KLHL1: variants seen among roughly 807,000 people sequenced by gnomAD.
KLHL1 encodes the protein kelch like family member 1.
In KLHL1, 47 loss-of-function variants were observed where a neutral mutation model predicts 77.7. The ratio of observed to expected loss-of-function variants is 0.60; its 90% CI spans 0.48 to 0.77. The LOEUF (loss-of-function observed/expected upper bound fraction) is 0.77. Among genes scored for constraint, KLHL1 ranks in the 30% least tolerant of loss-of-function variants. KLHL1 has a pLI of 0.00. For synonymous variants in KLHL1, 360 were observed against 325.2 expected (o/e 1.11, Z -1.15); for missense variants, 925 against 910.8 (o/e 1.02, Z -0.20).
At chr13:69,782,910 C>T (rs541684701) in intron 7 of KLHL1, among the ~76,000 whole-genome samples, 5 of 152,336 alleles carry the variant, frequency 3.3e-5, no homozygotes, top group African/African-American at 9.6e-5. Context: ...GAGGCACCCC[C>T]AAGTAGGGGC....
At position 69,837,614 on chromosome 13, in the gene KLHL1, C is replaced by CTCTA. The variant is rs570243891; in HGVS notation, c.1414+1361_1414+1362insTAGA. 5.3e-4 allele frequency among the ~76,000 whole-genome samples: 72 copies of CTCTA among 136,556 alleles called. 1 individual carries two copies. The highest frequency in any genetic ancestry group is 1.9e-3 in the African/African-American group (63 of 32,966). 89.6% of individuals were successfully genotyped at this position (136,556 alleles called of 152,430 possible). On this transcript the variant is annotated intron_variant, in intron 6 of 10. Transcript: ENST00000377844. ...TATATATACACATACATCTCTCTCT[C>CTCTA]TATATATATGTGTGTGTATATATAT...
chr13:69,879,758 T>C (rs1170022971), intron 5 of KLHL1, among the ~76,000 whole-genome samples: 1 of 152,174 alleles, frequency 6.6e-6, no homozygotes, highest in African/African-American at 2.4e-5. Flanking sequence ...TCTTTTCCCC[T>C]TAGTGATAGA....
chr13:70,094,350 T>A (rs1293000651), intron 1 of KLHL1, among the ~76,000 whole-genome samples: 1 of 144,062 alleles, frequency 6.9e-6, no homozygotes, highest in Non-Finnish European at 1.5e-5. Context: ...AAATTAAAAT[T>A]AAAAAATAAA....
intron 7 of KLHL1, among the ~76,000 whole-genome samples, chr13:69,779,935 G>A (rs1030274): frequency 5.3e-5 from 8 of 151,644 alleles, no homozygotes; most frequent in African/African-American, 7.3e-5. Context: ...CACAGCCTCC[G>A]AAGTATTACT....
intron 8 of KLHL1, among the ~76,000 whole-genome samples, chr13:69,729,455 T>A (rs757447411): frequency 3.3e-5 from 5 of 152,034 alleles, no homozygotes; most frequent in African/African-American, 4.8e-5. Flanking sequence ...GAAAATAATA[T>A]TTAGGGAAAC....
At chr13:69,935,618 A>G (rs1883164365) in intron 4 of KLHL1, among the ~76,000 whole-genome samples, 1 of 152,150 alleles carries the variant, frequency 6.6e-6, no homozygotes, top group Non-Finnish European at 1.5e-5. Flanking sequence ...ACAGATATAA[A>G]TATTTGGCAG....
At chr13:70,081,748 G>A (rs1260248613) in intron 1 of KLHL1, among the ~76,000 whole-genome samples, 1 of 152,180 alleles carries the variant, frequency 6.6e-6, no homozygotes, top group Non-Finnish European at 1.5e-5. Context: ...GTGGCCTAGT[G>A]AAACTTCGAA....
chr13:69,900,591 G>T (rs980620151), intron 4 of KLHL1, among the ~76,000 whole-genome samples: 3 of 152,150 alleles, frequency 2.0e-5, no homozygotes, highest in Non-Finnish European at 4.4e-5. Context: ...ACTTTTGCTG[G>T]TAGACACAGT....
chr13:69,823,166 A>G (rs1030271021), intron 6 of KLHL1, among the ~76,000 whole-genome samples: 42 of 151,728 alleles, frequency 2.8e-4, no homozygotes, highest in African/African-American at 9.4e-4. Flanking sequence ...CATTTATTGA[A>G]TCAGCATTTG....
chr13:70,075,432 A>G (rs66495562), intron 1 of KLHL1, among the ~76,000 whole-genome samples: 1 of 150,710 alleles, frequency 6.6e-6, no homozygotes, highest in Non-Finnish European at 1.5e-5. Context: ...AAATTCCCAC[A>G]AAATTTTATT....
At chr13:69,965,913 C>T (rs562188555) in intron 2 of KLHL1, among the ~76,000 whole-genome samples, 2 of 152,238 alleles carry the variant, frequency 1.3e-5, no homozygotes, top group South Asian at 4.1e-4. Context: ...GGTGACGAAA[C>T]TGCAGAAGAA....
chr13:70,039,238 T>TTTTG lies in KLHL1; in HGVS notation c.498-63440_498-63437dup, dbSNP rs966176962. On this transcript the variant is annotated intron_variant, in intron 1 of 10. Transcript: ENST00000377844. ...TGCACACCAGCATGCCCAGCTAATTTTTTGTTTGTTTGTTTGTTTGCTTTT... is the reference window on the plus strand; with the variant it reads ...TGCACACCAGCATGCCCAGCTAATTTTTTGTTTGTTTGTTTGTTTGTTTGCTTTT... Among the ~76,000 whole-genome samples the TTTTG allele has an allele frequency of 1.5e-4, 23 of 150,478 alleles. No homozygotes were observed. In the South Asian group the frequency reaches 2.7e-3, roughly 18 times the overall value.
At chr13:69,983,810 A>T (rs1884786322) in intron 1 of KLHL1, among the ~76,000 whole-genome samples, 1 of 152,030 alleles carries the variant, frequency 6.6e-6, no homozygotes, top group Admixed American at 6.6e-5. Flanking sequence ...ACGCAATATT[A>T]ACCAAAATAG....
intron 4 of KLHL1, among the ~76,000 whole-genome samples, chr13:69,921,069 A>G (rs545182153): frequency 3.9e-4 from 59 of 152,336 alleles, no homozygotes; most frequent in Admixed American, 5.9e-4. Context: ...ATGACCAAAT[A>G]ACAAGGGACA....
At chr13:69,994,337 TA>T (rs963688411) in intron 1 of KLHL1, among the ~76,000 whole-genome samples, 3 of 152,132 alleles carry the variant, frequency 2.0e-5, no homozygotes, top group Non-Finnish European at 2.9e-5. Flanking sequence ...ACTCTTTCCT[TA>T]AGCCTTCTTT....
Position 69,705,250 on chromosome 13 carries a change from G to A in KLHL1, c.2187+2375C>T, listed in dbSNP as rs116118109. Among the ~76,000 whole-genome samples the A allele has an allele frequency of 5.6e-3, 852 of 151,560 alleles. 6 individuals carry two copies. Among genetic ancestry groups the A allele is most frequent in the African/African-American group, 0.02 (809 of 41,416 alleles). ...CAAATCAAACACAAAAAATAAGCTCGGTGTTCAATGACAAAAGTCAAATTT... is the reference window on the plus strand; with the variant it reads ...CAAATCAAACACAAAAAATAAGCTCAGTGTTCAATGACAAAAGTCAAATTT... On this transcript the variant is annotated intron_variant, in intron 10 of 10. Coordinates refer to ENST00000377844, the MANE Select transcript of KLHL1 (RefSeq NM_020866.3).
chr13:69,740,801 C>G (rs987830051), intron 7 of KLHL1, among the ~76,000 whole-genome samples: 1 of 152,092 alleles, frequency 6.6e-6, no homozygotes, highest in African/African-American at 2.4e-5. Context: ...TAGAAACTAC[C>G]TACCATTAAT....
chr13:70,049,318 T>C (rs2137389848), intron 1 of KLHL1, among the ~76,000 whole-genome samples: 1 of 152,310 alleles, frequency 6.6e-6, no homozygotes, highest in Non-Finnish European at 1.5e-5. Context: ...AAAAAATAAT[T>C]AATTAGTTCC....
chr13:69,839,801 T>C (rs182182979), intron 5 of KLHL1, among the ~76,000 whole-genome samples: 82 of 152,142 alleles, frequency 5.4e-4, no homozygotes, highest in Admixed American at 1.3e-3. Flanking sequence ...ATTGTGTCTA[T>C]TTTTTGCTAT....
Sources: allele counts gnomAD v4.1 joint callset (sites outside exome capture counted in the v4.1 genomes callset), GRCh38; gene constraint gnomAD v4.1.1; transcripts MANE v1.5; gene names NCBI Gene and HGNC (gene_info 2026-07-23, HGNC 2026-07-21).